The following EFCAB12 variants were observed in gnomAD, a reference collection of about 807,000 sequenced individuals.
EFCAB12 encodes EF-hand calcium binding domain 12.
EFCAB12 carries 43 observed loss-of-function variants against 53.6 expected under a neutral mutation model. The ratio of observed to expected loss-of-function variants is 0.80; its 90% CI spans 0.63 to 1.03. EFCAB12 has a LOEUF of 1.03. EFCAB12 is among the 50% of genes least tolerant of loss of function. The pLI is 0.00. For synonymous variants in EFCAB12, 269 were observed against 289.2 expected (o/e 0.93, Z 0.71); for missense variants, 646 against 730.6 (o/e 0.88, Z 1.34).
At chr3:129,412,428 GGATAGATA>G (rs57766230) in intron 4 of EFCAB12, 47,261 of 145,652 alleles carry the variant, frequency 0.32, 8,106 homozygotes, top group Non-Finnish European at 0.38. Flanking sequence ...GTAGATGGAT[GGATAGATA>G]GATAGATAGA....
chr3:129,402,216 C>G (rs1559781792), intron 8 of EFCAB12, among the ~76,000 whole-genome samples: 2 of 152,246 alleles, frequency 1.3e-5, no homozygotes, highest in Admixed American at 1.3e-4. Flanking sequence ...CAGATCCCCA[C>G]TGCATCACTT....
chr3:129,401,817 G>T lies in EFCAB12; in HGVS notation c.1495C>A (p.Gln499Lys), dbSNP rs2071875478. The change falls in exon 9 of 9, where the codon CAA becomes AAA. Residue 499 changes from glutamine to lysine, a missense_variant. By Grantham distance (53) the Gln-to-Lys change is moderately conservative. Coordinates refer to ENST00000505956, the MANE Select transcript of EFCAB12 (RefSeq NM_207307.3). ...GGCCAGAAGGAATTGGGGTGTGTTT[G>T]CTGCAGACCACTGGACCTCTTCACC... ...LKVKRSSGLQ[Q>K]THPNSFWPGH... 2 of 1,613,184 alleles carry T rather than the reference G, an allele frequency of 1.2e-6. No individual in the cohort carries two copies. The highest frequency in any genetic ancestry group is 2.7e-5 in the African/African-American group (2 of 74,924).
intron 2 of EFCAB12, among the ~76,000 whole-genome samples, chr3:129,420,338 A>G (rs149661178): frequency 3.3e-4 from 51 of 152,320 alleles, no homozygotes; most frequent in African/African-American, 1.2e-3. Flanking sequence ...TCTCCATTTT[A>G]TAGATGAGAA....
chr3:129,407,299 C>T (rs1201355553), intron 6 of EFCAB12, among the ~76,000 whole-genome samples: 2 of 152,180 alleles, frequency 1.3e-5, no homozygotes, highest in Non-Finnish European at 2.9e-5. Flanking sequence ...GTTGTGGAAG[C>T]CGCGCAGTCC....
intron 1 of EFCAB12, among the ~76,000 whole-genome samples, chr3:129,427,613 C>T (rs2072289181): frequency 6.6e-6 from 1 of 152,226 alleles, no homozygotes; most frequent in Non-Finnish European, 1.5e-5. Context: ...TGTTTCTCCA[C>T]TGGGCATTAA....
chr3:129,411,596 G>A (rs150046950), intron 4 of EFCAB12: 246 of 399,310 alleles, frequency 6.2e-4, no homozygotes, highest in African/African-American at 4.6e-3. Context: ...TGCCATTCTC[G>A]TCCTGTCACC....
At chr3:129,424,271 T>C (rs891173404) in intron 1 of EFCAB12, among the ~76,000 whole-genome samples, 1 of 152,292 alleles carries the variant, frequency 6.6e-6, no homozygotes, top group Middle Eastern at 3.4e-3. Flanking sequence ...CATGGTATGG[T>C]TTGCATCTGT....
At chr3:129,408,101 G>A (rs75616913) in intron 6 of EFCAB12, among the ~76,000 whole-genome samples, 1,736 of 152,312 alleles carry the variant, frequency 0.011, 35 homozygotes, top group African/African-American at 0.038. Flanking sequence ...GAGGGAAGAA[G>A]CAGTGTGGAA....
At chr3:129,405,116 A>G (rs762978136) in intron 6 of EFCAB12, among the ~76,000 whole-genome samples, 5 of 152,174 alleles carry the variant, frequency 3.3e-5, no homozygotes, top group Non-Finnish European at 5.9e-5. Flanking sequence ...CGCCCAGCCC[A>G]CTTGGATTTG....
intron 4 of EFCAB12, chr3:129,414,092 A>G (rs1433030487): frequency 2.6e-5 from 4 of 152,230 alleles, no homozygotes; most frequent in Non-Finnish European, 4.4e-5. Flanking sequence ...AAAGGAGATT[A>G]CTACTGTTGG....
chr3:129,426,926 C>G (rs1292521273), intron 1 of EFCAB12, among the ~76,000 whole-genome samples: 1 of 148,054 alleles, frequency 6.8e-6, no homozygotes, highest in Non-Finnish European at 1.5e-5. Flanking sequence ...TGGCTCACTG[C>G]AAGCTCCACC....
At chr3:129,424,057 A>G (rs1255487224) in intron 1 of EFCAB12, among the ~76,000 whole-genome samples, 3 of 151,992 alleles carry the variant, frequency 2.0e-5, no homozygotes, top group Non-Finnish European at 4.4e-5. Flanking sequence ...ATAAGCATTT[A>G]CCATATTTTT....
intron 8 of EFCAB12, among the ~76,000 whole-genome samples, 164 bp downstream of exon 8, chr3:129,402,359 C>T (rs903356865): frequency 6.6e-5 from 10 of 152,126 alleles, no homozygotes; most frequent in Admixed American, 6.5e-4. Context: ...ATGGAAAGCC[C>T]CAGAGCAATG....
chr3:129,405,243 T>C (rs1195715819), intron 6 of EFCAB12, among the ~76,000 whole-genome samples: 2 of 152,244 alleles, frequency 1.3e-5, no homozygotes, highest in African/African-American at 4.8e-5. Context: ...CTTCTGCAAC[T>C]ATCAAGCAGT....
intron 6 of EFCAB12, among the ~76,000 whole-genome samples, chr3:129,408,045 G>A (rs2071976258): frequency 1.3e-5 from 2 of 152,192 alleles, no homozygotes; most frequent in Non-Finnish European, 2.9e-5. Flanking sequence ...GACACAGTGG[G>A]CTCAGACCAG....
intron 1 of EFCAB12, among the ~76,000 whole-genome samples, chr3:129,422,377 A>T (rs2072199832): frequency 6.6e-6 from 1 of 152,166 alleles, no homozygotes; most frequent in African/African-American, 2.4e-5. Context: ...ACTCATTTTG[A>T]AGCCCTTCCA....
At chr3:129,401,914 C>T (rs952596529) in intron 8 of EFCAB12, 63 bp from the exon 9 acceptor site, 76 of 1,558,424 alleles carry the variant, frequency 4.9e-5, no homozygotes, top group African/African-American at 4.2e-4. Context: ...GAGGCTTCAT[C>T]GCAGAGCCCA....
chr3:129,427,382 T>A (rs2072286903), intron 1 of EFCAB12, among the ~76,000 whole-genome samples: 1 of 151,836 alleles, frequency 6.6e-6, no homozygotes, highest in Non-Finnish European at 1.5e-5. Context: ...CGTTCTCTTA[T>A]CTCTGTGGAA....
At chr3:129,427,593 C>A (rs1305828306) in intron 1 of EFCAB12, among the ~76,000 whole-genome samples, 1 of 152,246 alleles carries the variant, frequency 6.6e-6, no homozygotes, top group Non-Finnish European at 1.5e-5. Flanking sequence ...CCAGCCTCTC[C>A]AGCTCTCCCT....
Sources: allele counts gnomAD v4.1 joint callset (sites outside exome capture counted in the v4.1 genomes callset), GRCh38; gene constraint gnomAD v4.1.1; transcripts MANE v1.5; gene names NCBI Gene and HGNC (gene_info 2026-07-23, HGNC 2026-07-21).